Variants in BIN2 observed in about 807,000 individuals in gnomAD.
BIN2 encodes the protein breast cancer associated protein BRAP1.
In BIN2, 43 loss-of-function variants were observed where a neutral mutation model predicts 67.9. That is an observed-to-expected ratio of 0.63 (90% CI 0.50 to 0.82). The LOEUF is 0.82. BIN2 is among the 40% of genes least tolerant of loss of function. The probability of loss-of-function intolerance (pLI) is 0.00; values close to 1 mark genes in which losing one functional copy is unlikely to be tolerated. For synonymous variants in BIN2, 244 were observed against 246.8 expected, an observed-to-expected ratio of 0.99 and a Z score of 0.11; for missense variants, 581 against 671.6, an observed-to-expected ratio of 0.87 and a Z score of 1.49.
At chr12:51,299,509 A>G in intron 6 of BIN2, 98 bp downstream of exon 6, 1 of 1,143,704 alleles carries the variant, frequency 8.7e-7, no homozygotes, top group Middle Eastern at 2.0e-4. Context: ...CTGAATTTAT[A>G]ATTTCCTATA....
Position 51,297,724 on chromosome 12 carries a change from A to G in BIN2, c.603-560T>C, listed in dbSNP as rs144321166. On this transcript the variant is annotated intron_variant, in intron 7 of 12. Coordinates refer to ENST00000615107, the MANE Select transcript of BIN2 (RefSeq NM_016293.4). ...GCTGACACCAAAGTTTAACAGTTTC[A>G]TGGAGTTATCTGATTTGGGCTCTTG... is the stretch of plus-strand genomic sequence containing the variant. Among the ~76,000 whole-genome samples the G allele has an allele frequency of 9.2e-4, 140 of 152,288 alleles. 1 individual carries two copies. Among genetic ancestry groups the G allele is most frequent in the African/African-American group, 3.2e-3 (134 of 41,574 alleles).
chr12:51,288,299 G>A lies in BIN2; in HGVS notation c.1516-111C>T, dbSNP rs904382697. 15 of 800,666 alleles carry A rather than the reference G, an allele frequency of 1.9e-5. No individual in the cohort carries two copies. The African/African-American group carries it at 2.6e-4, about 14-fold the overall frequency. 49.6% of individuals were successfully genotyped at this position (800,666 alleles called of 1,614,324 possible). On this transcript the variant is annotated intron_variant, in intron 10 of 12. Transcript: ENST00000615107. The stretch of plus-strand genomic sequence containing the variant: ...CTCTCAGATATCAGGAGGCTCCCGA[G>A]GTAGCCTTGGTCAGACACAGGCAGT...
chr12:51,289,300 C>T (rs368315963), intron 10 of BIN2, among the ~76,000 whole-genome samples: 6 of 152,084 alleles, frequency 3.9e-5, no homozygotes, highest in African/African-American at 1.4e-4. Flanking sequence ...ATATGATAGT[C>T]TTTCCATATA....
intron 1 of BIN2, among the ~76,000 whole-genome samples, chr12:51,321,312 G>A (rs1030008809): frequency 6.6e-6 from 1 of 152,092 alleles, no homozygotes; most frequent in Non-Finnish European, 1.5e-5. Context: ...CTAAAACAGA[G>A]ATGCTAATAA....
At position 51,291,789 on chromosome 12, in the gene BIN2, G is replaced by A. The variant is rs1428334487; in HGVS notation, c.1317C>T (p.Ala439=). ...GGCTGGTGGGTGAACCCCCTCCAGAGGCTGTAGGGCTGGAAGGTATGTTCC... is the reference window on the plus strand; with the variant it reads ...GGCTGGTGGGTGAACCCCCTCCAGAAGCTGTAGGGCTGGAAGGTATGTTCC... ...SSGNIPSSPT[A]SGGGSPTSPR... is the part of the protein sequence containing the mutation. The change falls in exon 10 of 13, where the codon GCC becomes GCT. Residue 439 remains alanine, a synonymous_variant. Coordinates refer to ENST00000615107, the MANE Select transcript of BIN2 (RefSeq NM_016293.4). 4.3e-6 allele frequency: 7 copies of A among 1,613,770 alleles called. No homozygotes were observed. The highest frequency in any genetic ancestry group is 1.7e-4 in the Middle Eastern group (1 of 6,036).
At chr12:51,283,855 G>A (rs534397449) in intron 12 of BIN2, among the ~76,000 whole-genome samples, 6 of 152,040 alleles carry the variant, frequency 3.9e-5, no homozygotes, top group South Asian at 4.2e-4. Context: ...TTAGCTGGGC[G>A]TGGTGGCGCA....
intron 12 of BIN2, among the ~76,000 whole-genome samples, chr12:51,284,363 C>G (rs1212986315): frequency 2.0e-5 from 3 of 152,146 alleles, no homozygotes; most frequent in Non-Finnish European, 2.9e-5. Flanking sequence ...TCTAATAATG[C>G]ATTTCTCAGA....
chr12:51,314,437 TA>T (rs1375710704), intron 1 of BIN2, among the ~76,000 whole-genome samples: 1 of 152,074 alleles, frequency 6.6e-6, no homozygotes, highest in Non-Finnish European at 1.5e-5. Context: ...CTTTTCAAAT[TA>T]GGGGTAGCTC....
intron 1 of BIN2, 111 bp downstream of exon 1, chr12:51,323,911 C>G: frequency 7.3e-7 from 1 of 1,361,756 alleles, no homozygotes; most frequent in East Asian, 2.5e-5. Context: ...TCTCGTCAGC[C>G]CAGACCCTTC....
At chr12:51,286,771 T>A (rs554266059) in intron 11 of BIN2, among the ~76,000 whole-genome samples, 9 of 152,314 alleles carry the variant, frequency 5.9e-5, no homozygotes, top group African/African-American at 1.4e-4. Flanking sequence ...TCTCTCTCCA[T>A]CAGCACAGCT....
At chr12:51,292,371 G>C (rs975897011) in intron 9 of BIN2, 27 bp from the exon 10 acceptor site, 5 of 1,529,780 alleles carry the variant, frequency 3.3e-6, no homozygotes, top group Non-Finnish European at 3.5e-6. Context: ...TTCAGATTCA[G>C]AACGGCTAAA....
At chr12:51,302,608 G>T in intron 4 of BIN2, 78 bp downstream of exon 4, 3 of 1,223,252 alleles carry the variant, frequency 2.5e-6, no homozygotes, top group Non-Finnish European at 3.6e-6. Context: ...CTATTTTCTT[G>T]GATAGAGAAG....
intron 2 of BIN2, among the ~76,000 whole-genome samples, chr12:51,307,443 C>T (rs1470488650): frequency 6.6e-6 from 1 of 151,470 alleles, no homozygotes; most frequent in East Asian, 2.0e-4. Flanking sequence ...AGCGGTGGCT[C>T]ACCCACTATA....
At chr12:51,283,087 T>G (rs1385459135) in intron 12 of BIN2, among the ~76,000 whole-genome samples, 2 of 150,696 alleles carry the variant, frequency 1.3e-5, no homozygotes, top group Non-Finnish European at 3.0e-5. Flanking sequence ...AAACCCTGTC[T>G]CTACCAAAAA....
chr12:51,324,646 C>T, upstream of BIN2: 10 of 1,062,500 alleles, frequency 9.4e-6, no homozygotes, highest in Middle Eastern at 2.7e-4. Flanking sequence ...GACACCCGAG[C>T]CGGGCTTGAA....
upstream of BIN2, chr12:51,324,387 G>A (rs1946377839): frequency 1.1e-5 from 15 of 1,316,140 alleles, no homozygotes; most frequent in South Asian, 4.6e-5. Flanking sequence ...CACTGAACCA[G>A]GTCCTCAGTG....
chr12:51,304,943 A>G (rs1031940668), intron 2 of BIN2, among the ~76,000 whole-genome samples: 2 of 152,076 alleles, frequency 1.3e-5, no homozygotes, highest in Non-Finnish European at 2.9e-5. Flanking sequence ...GCATGAACCC[A>G]GGAGGCAGAA....
chr12:51,298,614 T>C (rs1212450282), intron 7 of BIN2, among the ~76,000 whole-genome samples: 1 of 152,108 alleles, frequency 6.6e-6, no homozygotes, highest in African/African-American at 2.4e-5. Context: ...AGGAGTCACA[T>C]AATGTTTTAG....
In BIN2 at chr12:51,288,994, C is replaced by G. The variant is rs923817161; in HGVS notation, c.1516-806G>C. Among the ~76,000 whole-genome samples, 5 of 151,934 alleles carry G rather than the reference C, an allele frequency of 3.3e-5. No individual in the cohort carries two copies. The South Asian group carries it at 8.3e-4, about 25-fold the overall frequency. On this transcript the variant is annotated intron_variant, in intron 10 of 12. Coordinates refer to ENST00000615107, the MANE Select transcript of BIN2 (RefSeq NM_016293.4). Reference sequence around the variant, plus strand: ...CGATCTCCTGACCTCATGATCCGCCCACCTCAGCCTCCCGAAGTGCTGGGA... The same window carrying G: ...CGATCTCCTGACCTCATGATCCGCCGACCTCAGCCTCCCGAAGTGCTGGGA...
Sources: gnomAD v4.1 joint callset for allele counts (sites outside exome capture counted in the v4.1 genomes callset) on GRCh38, gnomAD v4.1.1 for gene constraint, MANE v1.5 for transcripts, NCBI Gene and HGNC (gene_info 2026-07-23, HGNC 2026-07-21) for gene names.